Variants in CD8B observed in about 807,000 individuals in gnomAD.
CD8B encodes the protein CD8 subunit beta, also known as T-cell surface glycoprotein CD8 beta chain.
CD8B carries 6 observed loss-of-function variants against 24.2 expected under a neutral mutation model. The ratio of observed to expected loss-of-function variants is 0.25; its 90% CI spans 0.14 to 0.49. The LOEUF (loss-of-function observed/expected upper bound fraction) is 0.49. Ranked by LOEUF, CD8B falls within the 20% of genes least tolerant of loss-of-function variation. The pLI is 0.98. For missense variants in CD8B, 196 were observed against 271.3 expected (o/e 0.72, Z 1.95); for synonymous variants, 84 against 108.3 (o/e 0.78, Z 1.39).
At chr2:86,843,276 A>G (rs1675522035) in intron 5 of CD8B, 1 of 157,250 alleles carries the variant, frequency 6.4e-6, no homozygotes, top group Admixed American at 6.6e-5. Context: ...TTGTATTTTT[A>G]GTAGAGATGG....
chr2:86,853,630 G>A (rs907316881), intron 2 of CD8B, among the ~76,000 whole-genome samples: 23 of 152,146 alleles, frequency 1.5e-4, no homozygotes, highest in African/African-American at 5.6e-4. Context: ...TTGGTGTCCT[G>A]GAGAGAGGAA....
intron 4 of CD8B, among the ~76,000 whole-genome samples, chr2:86,845,820 T>A (rs1675646731): frequency 6.6e-6 from 1 of 152,220 alleles, no homozygotes; most frequent in Middle Eastern, 3.2e-3. Flanking sequence ...CATGGGCCCC[T>A]CTGTGGGGAA....
At chr2:86,815,477 G>A (rs775938230), downstream of CD8B, 50 of 680,992 alleles carry the variant, frequency 7.3e-5, no homozygotes, top group Admixed American at 2.0e-4. Context: ...CAGAACTTGA[G>A]CCCCCTATGA....
chr2:86,849,128 T>C (rs1675845871), intron 3 of CD8B, among the ~76,000 whole-genome samples: 1 of 152,264 alleles, frequency 6.6e-6, no homozygotes, highest in Non-Finnish European at 1.5e-5. Context: ...AGGACCAGGG[T>C]GTGGACACAG....
At chr2:86,833,653 C>CT (rs1256980632), downstream of CD8B, among the ~76,000 whole-genome samples, 2 of 133,414 alleles carry the variant, frequency 1.5e-5, no homozygotes, top group Non-Finnish European at 3.2e-5. Context: ...TCCTTCCTTC[C>CT]TTCCTTCCTT....
chr2:86,823,812 C>T (rs1391873982), intron 5 of CD8B, among the ~76,000 whole-genome samples: 4 of 152,042 alleles, frequency 2.6e-5, no homozygotes, highest in Non-Finnish European at 4.4e-5. Flanking sequence ...GAAAGAATGA[C>T]GGAGAGTGAG....
At chr2:86,836,447 G>C (rs1227124389), downstream of CD8B, among the ~76,000 whole-genome samples, 1 of 152,070 alleles carries the variant, frequency 6.6e-6, no homozygotes, top group Non-Finnish European at 1.5e-5. Flanking sequence ...GGGCTGGCTG[G>C]GCACACAGAA....
In CD8B at chr2:86,827,072, C is replaced by T. The variant is rs188139086; in HGVS notation, c.621-11354G>A. ...CTGACCTCAGGTGATCCACTCGCCT[C>T]GGCCTCCCAGAGTGTGAGGATTACA... is the stretch of plus-strand genomic sequence containing the variant. On this transcript the variant is annotated intron_variant, in intron 5 of 5. Transcript: ENST00000331469. 2.1e-3 allele frequency among the ~76,000 whole-genome samples: 313 copies of T among 152,154 alleles called. 3 individuals are homozygous for T. Among genetic ancestry groups the T allele is most frequent in the African/African-American group, 7.1e-3 (293 of 41,528 alleles).
At chr2:86,819,141 C>G (rs928414775) in intron 5 of CD8B, among the ~76,000 whole-genome samples, 2 of 152,118 alleles carry the variant, frequency 1.3e-5, no homozygotes, top group Non-Finnish European at 2.9e-5. Flanking sequence ...TTGGTTGATT[C>G]AAGTGGTTTA....
At chr2:86,855,858 G>T (rs1490950380) in intron 2 of CD8B, among the ~76,000 whole-genome samples, 1 of 152,240 alleles carries the variant, frequency 6.6e-6, no homozygotes, top group Non-Finnish European at 1.5e-5. Flanking sequence ...CGCCGCCTGG[G>T]TCTAGTGGGA....
intron 3 of CD8B, among the ~76,000 whole-genome samples, chr2:86,848,171 C>T (rs1446509357): frequency 6.6e-6 from 1 of 152,160 alleles, no homozygotes; most frequent in African/African-American, 2.4e-5. Flanking sequence ...AGACTTTGCC[C>T]ATTTTAAATT....
chr2:86,856,268 C>T (rs1676245786), intron 2 of CD8B, among the ~76,000 whole-genome samples: 1 of 152,110 alleles, frequency 6.6e-6, no homozygotes, highest in Admixed American at 6.6e-5. Flanking sequence ...GTGGGAAGCT[C>T]TGGAAACTAG....
intron 3 of CD8B, among the ~76,000 whole-genome samples, chr2:86,847,677 T>A (rs1675753128): frequency 1.3e-5 from 2 of 152,226 alleles, no homozygotes; most frequent in Admixed American, 6.5e-5. Context: ...GCGATTCTCC[T>A]GCCTCAGCCT....
In CD8B at chr2:86,846,789, G is replaced by A. The variant is rs377751560; in HGVS notation, c.494-16C>T. ...CAAAGTGGGCCTGGAAAACACACAT[G>A]TGACATGTGTTCAACACGGAACATT... On this transcript the variant is annotated splice_polypyrimidine_tract_variant and intron_variant, in intron 3 of 5. Coordinates refer to ENST00000390655, the MANE Select transcript of CD8B (RefSeq NM_004931.5). The A allele has an allele frequency of 8.0e-5, 123 of 1,536,308 alleles. 1 individual carries two copies. Among genetic ancestry groups the A allele is most frequent in the Non-Finnish European group, 9.6e-5 (108 of 1,128,616 alleles).
At position 86,841,875 on chromosome 2, in the gene CD8B, C is replaced by T; in HGVS notation, c.*432G>A. ...CTCTGCGAGGAAGGTCAGCCCCAGC[C>T]TGGGAAGACCAAGAGGGAGCCAGCC... is the stretch of plus-strand genomic sequence containing the variant. On this transcript the variant is annotated 3_prime_UTR_variant, in exon 6 of 6. Coordinates refer to ENST00000390655, the MANE Select transcript of CD8B (RefSeq NM_004931.5). 1.0e-6 allele frequency: 1 copy of T among 987,302 alleles called. No homozygotes were observed. Among genetic ancestry groups the T allele is most frequent in the Non-Finnish European group, 1.2e-6 (1 of 831,148 alleles). The allele number at this position is 987,302 out of a possible 1,614,324, so 61.2% of individuals were successfully genotyped here. A position where few individuals can be genotyped will look rare whatever the true frequency, so the allele number is the denominator to read the frequency against.
At chr2:86,844,223 C>T (rs1675564337) in intron 5 of CD8B, among the ~76,000 whole-genome samples, 1 of 151,216 alleles carries the variant, frequency 6.6e-6, no homozygotes, top group African/African-American at 2.4e-5. Context: ...AGGGTAAGTA[C>T]AGGCTCTTTC....
chr2:86,828,234 A>G (rs1674767934), intron 5 of CD8B, among the ~76,000 whole-genome samples: 2 of 152,096 alleles, frequency 1.3e-5, no homozygotes, highest in African/African-American at 2.4e-5. Context: ...ATGTAAAAAT[A>G]TGGATCATCT....
chr2:86,824,989 G>A (rs1249543421), intron 5 of CD8B, among the ~76,000 whole-genome samples: 1 of 152,142 alleles, frequency 6.6e-6, no homozygotes, highest in Non-Finnish European at 1.5e-5. Flanking sequence ...TAATGATGAT[G>A]GCACAGATTA....
At chr2:86,836,115 G>T (rs553671331), downstream of CD8B, among the ~76,000 whole-genome samples, 2 of 152,206 alleles carry the variant, frequency 1.3e-5, no homozygotes, top group East Asian at 1.9e-4. Context: ...AGCACAGAAA[G>T]GTGGGTGGGT....
Sources: allele counts gnomAD v4.1 joint callset (sites outside exome capture counted in the v4.1 genomes callset), GRCh38; gene constraint gnomAD v4.1.1; transcripts MANE v1.5; gene names NCBI Gene and HGNC (gene_info 2026-07-23, HGNC 2026-07-21).